ZNF81: variants seen among roughly 807,000 people sequenced by gnomAD.
ZNF81 encodes the protein zinc finger protein 81.
A neutral mutation model predicts 32.3 loss-of-function variants in ZNF81; 5 were observed. The ratio of observed to expected loss-of-function variants is 0.15; its 90% CI spans 0.08 to 0.33. ZNF81 has a LOEUF of 0.33. ZNF81 is among the 10% of genes least tolerant of loss of function. The pLI, the probability that ZNF81 is intolerant of heterozygous loss-of-function variation, is 1.00. For missense variants in ZNF81, 379 were observed against 479.8 expected (o/e 0.79, Z 1.96); for synonymous variants, 163 against 166.8 (o/e 0.98, Z 0.17).
At position 47,917,355 on chromosome X, in the gene ZNF81, G is replaced by A. The variant is rs2058761048; in HGVS notation, c.*723G>A. 3.4e-6 allele frequency: 1 copy of A among 295,880 alleles called. No individual in the cohort carries two copies. The highest frequency in any genetic ancestry group is 2.0e-4 in the South Asian group (1 of 5,004). The allele number at this position is 295,880 out of a possible 1,213,427, so 24.4% of individuals were successfully genotyped here. A position where few individuals can be genotyped will look rare whatever the true frequency, so the allele number is the denominator to read the frequency against. On this transcript the variant is annotated 3_prime_UTR_variant, in exon 5 of 5. Transcript: ENST00000338637. ...ACATAGTATCTTGTTTTCTTTCATT[G>A]TGGTACAATGCAAAGTAGCCACAGA... is the stretch of plus-strand genomic sequence containing the variant.
At chrX:47,868,253 A>G (rs1216975970) in intron 2 of ZNF81, among the ~76,000 whole-genome samples, 1 of 111,897 alleles carries the variant, frequency 8.9e-6, no homozygotes, top group African/African-American at 3.2e-5. Flanking sequence ...TGCATCCTAA[A>G]TTAATCCAAT....
At chrX:47,900,183 C>T (rs1207238923) in intron 4 of ZNF81, among the ~76,000 whole-genome samples, 5 of 111,258 alleles carry the variant, frequency 4.5e-5, no homozygotes, top group Non-Finnish European at 7.5e-5. Flanking sequence ...GGAGGATTGA[C>T]ACTACCAAAT....
intron 2 of ZNF81, among the ~76,000 whole-genome samples, chrX:47,872,791 T>A (rs1166650894): frequency 2.7e-5 from 3 of 112,094 alleles, no homozygotes; most frequent in Non-Finnish European, 5.6e-5. Flanking sequence ...TTTTTCTAAT[T>A]ATTTTATACA....
At chrX:47,912,975 A>G (rs1443446203) in intron 4 of ZNF81, among the ~76,000 whole-genome samples, 2 of 110,273 alleles carry the variant, frequency 1.8e-5, no homozygotes, top group Non-Finnish European at 1.9e-5. Context: ...TCTCTACCAG[A>G]GATGACTTGT....
rs1556890364 is a variant in ZNF81, at chrX:47,914,910, C to A, written c.278-14C>A. On this transcript the variant is annotated splice_polypyrimidine_tract_variant and intron_variant, in intron 4 of 4. Coordinates refer to ENST00000338637, the MANE Select transcript of ZNF81 (RefSeq NM_007137.5). ...ATTGTTTGTGTCAATTTTACTTTTT[C>A]TTTCTCTTTTTAGATGGGAAATTTG... The A allele has an allele frequency of 1.7e-5, 21 of 1,202,724 alleles. No homozygotes were observed. In the East Asian group the frequency reaches 6.0e-4, roughly 34 times the overall value.
intron 2 of ZNF81, among the ~76,000 whole-genome samples, chrX:47,862,345 C>A (rs891109865): frequency 9.2e-6 from 1 of 108,813 alleles, no homozygotes; most frequent in Admixed American, 9.9e-5. Flanking sequence ...ATAGTGAAAC[C>A]CCGTCTCTAC....
At chrX:47,875,323 C>A (rs782406847) in intron 2 of ZNF81, among the ~76,000 whole-genome samples, 5 of 112,242 alleles carry the variant, frequency 4.5e-5, no homozygotes, top group Non-Finnish European at 7.5e-5. Context: ...TAAGAATCAC[C>A]ACAAATAAGT....
rs2058427502 is a variant in ZNF81 at position 47,836,951 on chromosome X, C to G, written c.-200C>G. 6.5e-5 allele frequency: 14 copies of G among 216,838 alleles called. No individual in the cohort carries two copies. In the South Asian group the frequency reaches 6.6e-4, roughly 10 times the overall value. The allele number at this position is 216,838 out of a possible 1,213,427, so 17.9% of individuals were successfully genotyped here. Reference sequence around the variant, plus strand: ...TTCTCAGCCGGGGTTTGATAGTTGTCAGGAGGATTCGACGTTCAGTGCCCA... The same window carrying G: ...TTCTCAGCCGGGGTTTGATAGTTGTGAGGAGGATTCGACGTTCAGTGCCCA... On this transcript the variant is annotated 5_prime_UTR_variant, in exon 1 of 5. Transcript: ENST00000338637.
rs1421090330 is a variant in ZNF81 at position 47,920,180 on chromosome X, T to C, written c.*3548T>C. On this transcript the variant is annotated 3_prime_UTR_variant, in exon 5 of 5. Coordinates refer to ENST00000338637, the MANE Select transcript of ZNF81 (RefSeq NM_007137.5). ...TTAAAATTCCTCTATTGTTATCTTATGCTTGAGGTAGGCACTGGTTTGCCC... is the reference window on the plus strand; with the variant it reads ...TTAAAATTCCTCTATTGTTATCTTACGCTTGAGGTAGGCACTGGTTTGCCC... 1 of 112,120 alleles carries C rather than the reference T, an allele frequency of 8.9e-6. No homozygotes were observed. Among genetic ancestry groups the C allele is most frequent in the African/African-American group, 3.2e-5 (1 of 30,804 alleles). The allele number at this position is 112,120 out of a possible 1,213,427, so 9.2% of individuals were successfully genotyped here. A position where few individuals can be genotyped will look rare whatever the true frequency, so the allele number is the denominator to read the frequency against.
Position 47,891,850 on chromosome X carries a change from C to T in ZNF81, c.181+3725C>T, listed in dbSNP as rs143205186. Among the ~76,000 whole-genome samples the T allele has an allele frequency of 5.4e-4, 60 of 111,809 alleles. No homozygotes were observed. The East Asian group carries it at 0.016, about 30-fold the overall frequency. On this transcript the variant is annotated intron_variant, in intron 3 of 4. Transcript: ENST00000338637. ...AATACATAGTTATCTTGATAAAAGGCCATAGGTCCCTTTGGGGAACACTGG... is the reference window on the plus strand; with the variant it reads ...AATACATAGTTATCTTGATAAAAGGTCATAGGTCCCTTTGGGGAACACTGG...
At chrX:47,853,739 G>A (rs1556881537) in intron 2 of ZNF81, among the ~76,000 whole-genome samples, 2 of 110,093 alleles carry the variant, frequency 1.8e-5, no homozygotes, top group African/African-American at 6.6e-5. Context: ...TTTAAGAGAT[G>A]GGGTCTTGCT....
intron 1 of ZNF81, among the ~76,000 whole-genome samples, chrX:47,839,347 A>G (rs2058437538): frequency 9.0e-6 from 1 of 111,575 alleles, no homozygotes; most frequent in South Asian, 3.7e-4. Flanking sequence ...ACTACAGGTT[A>G]AGCATCCCTA....
At chrX:47,843,964 A>C (rs1256595511) in intron 1 of ZNF81, among the ~76,000 whole-genome samples, 1 of 111,707 alleles carries the variant, frequency 9.0e-6, no homozygotes, top group Non-Finnish European at 1.9e-5. Flanking sequence ...TTTAGGTTGA[A>C]TATATAGCTC....
At chrX:47,894,430 G>A (rs1310961614) in intron 3 of ZNF81, among the ~76,000 whole-genome samples, 1 of 111,816 alleles carries the variant, frequency 8.9e-6, no homozygotes, top group Non-Finnish European at 1.9e-5. Flanking sequence ...AGTTACCCCA[G>A]CCAAAACCAT....
intron 4 of ZNF81, among the ~76,000 whole-genome samples, chrX:47,908,088 A>G (rs1346177526): frequency 1.8e-5 from 2 of 111,677 alleles, no homozygotes; most frequent in Non-Finnish European, 3.8e-5. Context: ...TCTTTGAAAG[A>G]CATCATTAAG....
At chrX:47,884,926 CTT>C (rs1454227621) in intron 2 of ZNF81, among the ~76,000 whole-genome samples, 1 of 111,784 alleles carries the variant, frequency 8.9e-6, no homozygotes, top group Non-Finnish European at 1.9e-5. Flanking sequence ...TGAGCAAACT[CTT>C]TTGTTGCCTT....
intron 2 of ZNF81, among the ~76,000 whole-genome samples, chrX:47,859,878 GT>G (rs1307542893): frequency 2.7e-5 from 3 of 111,405 alleles, no homozygotes; most frequent in Non-Finnish European, 3.8e-5. Flanking sequence ...ATACTGAGTA[GT>G]AAGCAAACTT....
At chrX:47,849,441 G>A (rs782485265) in intron 2 of ZNF81, among the ~76,000 whole-genome samples, 30 of 111,653 alleles carry the variant, frequency 2.7e-4, no homozygotes, top group African/African-American at 8.8e-4. Context: ...GCTGAGGCGG[G>A]TGGATCACCT....
At chrX:47,906,396 G>A (rs1464749812) in intron 4 of ZNF81, among the ~76,000 whole-genome samples, 1 of 86,192 alleles carries the variant, frequency 1.2e-5, no homozygotes, top group East Asian at 3.8e-4. Context: ...CAAATAGAAA[G>A]TCAGTAGCCA....
Sources: gnomAD v4.1 joint callset for allele counts (sites outside exome capture counted in the v4.1 genomes callset) on GRCh38, gnomAD v4.1.1 for gene constraint, MANE v1.5 for transcripts, NCBI Gene and HGNC (gene_info 2026-07-23, HGNC 2026-07-21) for gene names.